PMPCB: variants seen among roughly 807,000 people sequenced by gnomAD.
The protein encoded by PMPCB is mitochondrial-processing peptidase subunit beta.
Under a neutral mutation model 61.5 loss-of-function variants are expected in PMPCB, and 46 were observed. The ratio of observed to expected loss-of-function variants is 0.75; its 90% CI spans 0.59 to 0.96. PMPCB has a LOEUF of 0.96. PMPCB is among the 40% of genes least tolerant of loss of function. The probability of loss-of-function intolerance (pLI) is 0.00; values close to 1 mark genes in which losing one functional copy is unlikely to be tolerated. For missense variants in PMPCB, 590 were observed against 602.4 expected, an observed-to-expected ratio of 0.98 and a Z score of 0.22; for synonymous variants, 191 against 201.6, an observed-to-expected ratio of 0.95 and a Z score of 0.44.
At chr7:103,324,525 T>C (rs777423180) in intron 12 of PMPCB, 2 of 1,495,818 alleles carry the variant, frequency 1.3e-6, no homozygotes, top group Non-Finnish European at 1.8e-6. Flanking sequence ...GATGAATTCA[T>C]ATCACCAAGT....
At chr7:103,325,521 C>A (rs1818660128) in intron 12 of PMPCB, among the ~76,000 whole-genome samples, 1 of 151,330 alleles carries the variant, frequency 6.6e-6, no homozygotes, top group Non-Finnish European at 1.5e-5. Flanking sequence ...TGGCGCCAAA[C>A]CGCTAATCAA....
chr7:103,316,793 AGT>A (rs1402841885), downstream of PMPCB: 5 of 1,553,436 alleles, frequency 3.2e-6, no homozygotes, highest in South Asian at 3.4e-5. Context: ...TCCAGGCTCC[AGT>A]GTGAGTTGAA....
intron 12 of PMPCB, chr7:103,323,754 ACCTTT>A (rs1298377588): frequency 1.0e-6 from 1 of 995,258 alleles, no homozygotes; most frequent in Non-Finnish European, 1.4e-6. Flanking sequence ...TTTAATGGAT[ACCTTT>A]CCTTCCCTTC....
intron 4 of PMPCB, among the ~76,000 whole-genome samples, chr7:103,301,976 G>GGT (rs1172880517): frequency 1.3e-5 from 2 of 151,876 alleles, no homozygotes; most frequent in Non-Finnish European, 2.9e-5. Context: ...GACAGGCTCC[G>GGT]GTGTGTGATG....
chr7:103,309,216 C>A, intron 8 of PMPCB, 121 bp downstream of exon 8: 1 of 707,960 alleles, frequency 1.4e-6, no homozygotes, highest in Non-Finnish European at 2.0e-6. Context: ...ACTGTGAATT[C>A]TGACTTAAAA....
At chr7:103,310,523 TTAAAC>T (rs1167771281) in intron 9 of PMPCB, 48 bp downstream of exon 9, 2 of 1,446,116 alleles carry the variant, frequency 1.4e-6, no homozygotes, top group Admixed American at 4.1e-5. Context: ...TTAATTCGTT[TTAAAC>T]TAGTTTTTTA....
At position 103,312,508 on chromosome 7, in the gene PMPCB, G is replaced by C. The variant is rs1471843339; in HGVS notation, c.*237G>C. On this transcript the variant is annotated 3_prime_UTR_variant, in exon 13 of 13. Coordinates refer to ENST00000249269, the MANE Select transcript of PMPCB (RefSeq NM_004279.3). ...ATTATTACCATGAGTATAATTTTAA[G>C]AATGAAAATGTTTACAGTATTTTCA... The C allele has an allele frequency of 6.3e-7, 1 of 1,580,418 alleles. No homozygotes were observed. Among genetic ancestry groups the C allele is most frequent in the African/African-American group, 1.4e-5 (1 of 73,136 alleles).
chr7:103,300,292 A>G lies in PMPCB; in HGVS notation c.442A>G (p.Lys148Glu). 2 of 1,605,438 alleles carry G rather than the reference A, an allele frequency of 1.2e-6. No homozygotes were observed. The highest frequency in any genetic ancestry group is 2.2e-5 in the South Asian group (2 of 88,898). ...QTVYYAKAFS[K>E]DLPRAVEILA... ...TGTATACTATGCCAAAGCATTCTCT[A>G]AAGACTTGCCAAGAGGTACTGTTAT... is the stretch of plus-strand genomic sequence containing the variant. The change falls in exon 4 of 13, where the codon AAA (lysine) becomes GAA (glutamate). Residue 148 changes from lysine (K) to glutamate (E), a missense_variant. Lys to Glu is a moderately conservative substitution (Grantham distance 56). Coordinates refer to ENST00000249269, the MANE Select transcript of PMPCB (RefSeq NM_004279.3).
intron 8 of PMPCB, chr7:103,309,384 A>G (rs1451192544): frequency 4.8e-6 from 1 of 208,572 alleles, no homozygotes; most frequent in Non-Finnish European, 9.5e-6. Flanking sequence ...GGCCCTCTAT[A>G]TCTGTGGGTT....
Position 103,310,420 on chromosome 7 carries a change from A to T in PMPCB, c.1099A>T (p.Met367Leu). 1 of 1,612,914 alleles carries T rather than the reference A, an allele frequency of 6.2e-7. No homozygotes were observed. Among genetic ancestry groups the T allele is most frequent in the Non-Finnish European group, 8.5e-7 (1 of 1,179,004 alleles). The change falls in exon 9 of 13, where the codon ATG (methionine) becomes TTG (leucine). Residue 367 changes from methionine (M) to leucine (L), a missense_variant. By Grantham distance (15) the Met-to-Leu change is conservative. Coordinates refer to ENST00000249269, the MANE Select transcript of PMPCB (RefSeq NM_004279.3). ...YTDTGLWGLY[M>L]VCESSTVADM... is the part of the protein sequence containing the mutation. ...AGATACAGGATTATGGGGACTGTAT[A>T]TGGTTTGTGAATCATCCACTGTTGC...
intron 7 of PMPCB, 67 bp from the exon 8 acceptor site, chr7:103,308,885 C>G: frequency 3.1e-6 from 4 of 1,303,140 alleles, no homozygotes; most frequent in Non-Finnish European, 4.1e-6. Flanking sequence ...GTGATTTTTT[C>G]CTTGTTAATA....
At position 103,314,290 on chromosome 7, in the gene PMPCB, C is replaced by T. The variant is rs187279827; in HGVS notation, c.*2019C>T. On this transcript the variant is annotated 3_prime_UTR_variant, in exon 13 of 13. Transcript: ENST00000249269. Reference sequence around the variant, plus strand: ...CTTCACAATACCAAAATAAATTAAACGTACTGTTGCAAAACTCCTATGAGA... The same window carrying T: ...CTTCACAATACCAAAATAAATTAAATGTACTGTTGCAAAACTCCTATGAGA... 249 of 985,368 alleles carry T rather than the reference C, an allele frequency of 2.5e-4. No individual in the cohort carries two copies. The African/African-American group carries it at 3.7e-3, about 15-fold the overall frequency. The allele number at this position is 985,368 out of a possible 1,614,324, so 61.0% of individuals were successfully genotyped here. A position where few individuals can be genotyped will look rare whatever the true frequency, so the allele number is the denominator to read the frequency against.
intron 6 of PMPCB, among the ~76,000 whole-genome samples, chr7:103,306,484 C>G (rs1817595593): frequency 1.3e-5 from 2 of 150,922 alleles, no homozygotes; most frequent in South Asian, 4.2e-4. Context: ...CCGGATTCAA[C>G]TGATTGTCTT....
At chr7:103,344,906 G>A in the PMPCB span, 1 of 563,290 alleles carries the variant, frequency 1.8e-6, no homozygotes, top group East Asian at 2.9e-5. Context: ...ATGGTTCCTA[G>A]GCGCATCAGT....
chr7:103,299,608 G>C, intron 3 of PMPCB, 79 bp downstream of exon 3: 1 of 786,806 alleles, frequency 1.3e-6, no homozygotes, highest in Middle Eastern at 2.3e-4. Context: ...GAGGCAGGGA[G>C]AGCTCTTTCA....
At chr7:103,297,634 A>G (rs746061011) in intron 1 of PMPCB, 76 bp downstream of exon 1, 2 of 1,588,172 alleles carry the variant, frequency 1.3e-6, no homozygotes, top group East Asian at 4.6e-5. Flanking sequence ...AGTCGGCGCC[A>G]CAGATCCGAA....
chr7:103,303,532 T>C lies in PMPCB; in HGVS notation c.458-310T>C, dbSNP rs551773985. 5.3e-5 allele frequency among the ~76,000 whole-genome samples: 8 copies of C among 152,360 alleles called. No individual in the cohort carries two copies. The South Asian group carries it at 8.3e-4, about 16-fold the overall frequency. On this transcript the variant is annotated intron_variant, in intron 4 of 12. Transcript: ENST00000249269. ...TATTTTCAGACTAATATATATAACT[T>C]TGTAATTTTCATATAGAACAATCTA...
At chr7:103,327,064 G>A (rs942240918) in intron 12 of PMPCB, among the ~76,000 whole-genome samples, 3 of 152,062 alleles carry the variant, frequency 2.0e-5, no homozygotes, top group African/African-American at 7.2e-5. Flanking sequence ...AAATATGAAC[G>A]GTGTGCATAC....
chr7:103,299,371 GGAA>G (rs1817384426), intron 2 of PMPCB, 69 bp from the exon 3 acceptor site: 1 of 860,092 alleles, frequency 1.2e-6, no homozygotes, highest in African/African-American at 1.7e-5. Context: ...GTCAGAAAAA[GGAA>G]GGAGACTGTT....
Sources: gnomAD v4.1 joint callset for allele counts (sites outside exome capture counted in the v4.1 genomes callset) on GRCh38, gnomAD v4.1.1 for gene constraint, MANE v1.5 for transcripts, NCBI Gene and HGNC (gene_info 2026-07-23, HGNC 2026-07-21) for gene names.